The following BLTP3B variants were observed in gnomAD, a reference collection of about 807,000 sequenced individuals.
BLTP3B encodes bridge-like lipid transfer protein family member 3B.
chr12:100,092,862 C>T, the BLTP3B span: 6 of 975,166 alleles, frequency 6.2e-6, no homozygotes, highest in Non-Finnish European at 6.1e-6. Flanking sequence ...TCCTGTACTT[C>T]TTTCCTTATA....
the BLTP3B span, among the ~76,000 whole-genome samples, chr12:100,121,626 T>C: frequency 2.6e-5 from 4 of 151,520 alleles, no homozygotes; most frequent in African/African-American, 9.7e-5. Flanking sequence ...AGGTCGGGAG[T>C]TTGAGACCAG....
chr12:100,057,264 G>C, the BLTP3B span, among the ~76,000 whole-genome samples: 1 of 152,056 alleles, frequency 6.6e-6, no homozygotes, highest in East Asian at 1.9e-4. Context: ...AGGAGTATCT[G>C]GTTAAAAGAA....
At chr12:100,114,045 A>T in the BLTP3B span, among the ~76,000 whole-genome samples, 1 of 152,220 alleles carries the variant, frequency 6.6e-6, no homozygotes, top group African/African-American at 2.4e-5. Context: ...GATTAATTTT[A>T]GTCACCTAGA....
At chr12:100,138,378 A>C in the BLTP3B span, among the ~76,000 whole-genome samples, 1 of 152,250 alleles carries the variant, frequency 6.6e-6, no homozygotes, top group Non-Finnish European at 1.5e-5. Context: ...CCCTAGCTCA[A>C]TCATACGACA....
chr12:100,123,206 G>A, the BLTP3B span, among the ~76,000 whole-genome samples: 6 of 152,138 alleles, frequency 3.9e-5, no homozygotes, highest in Admixed American at 6.5e-5. Flanking sequence ...ATTAACTGAG[G>A]ACCTACTATG....
the BLTP3B span, among the ~76,000 whole-genome samples, chr12:100,095,253 A>G: frequency 6.6e-6 from 1 of 152,164 alleles, no homozygotes; most frequent in Non-Finnish European, 1.5e-5. Context: ...GACAACTCCA[A>G]CAGAAGTTTT....
chr12:100,103,618 G>A, the BLTP3B span, among the ~76,000 whole-genome samples: 2 of 152,032 alleles, frequency 1.3e-5, no homozygotes, highest in African/African-American at 4.8e-5. Context: ...TGGATCAAAT[G>A]TTACTGAAAG....
chr12:100,097,063 T>C, the BLTP3B span, among the ~76,000 whole-genome samples: 1 of 152,122 alleles, frequency 6.6e-6, no homozygotes, highest in South Asian at 2.1e-4. Context: ...CTGGGCAATA[T>C]AGTGAGATCT....
At chr12:100,098,302 TTTAC>T in the BLTP3B span, 2 of 1,518,838 alleles carry the variant, frequency 1.3e-6, no homozygotes, top group African/African-American at 1.4e-5. Flanking sequence ...ATCGTCCTCT[TTTAC>T]TTGTCACTAA....
the BLTP3B span, among the ~76,000 whole-genome samples, chr12:100,124,653 G>A: frequency 6.6e-6 from 1 of 151,874 alleles, no homozygotes; most frequent in Admixed American, 6.6e-5. Flanking sequence ...GGCTAACACA[G>A]GAGAATCACT....
the BLTP3B span, among the ~76,000 whole-genome samples, chr12:100,124,277 C>T: frequency 6.6e-6 from 1 of 151,724 alleles, no homozygotes; most frequent in African/African-American, 2.4e-5. Context: ...GAGACCTTGT[C>T]TCTCAAATAA....
the BLTP3B span, among the ~76,000 whole-genome samples, chr12:100,130,996 AGAGAGAGAGAGAGAGAG>A: frequency 8.4e-5 from 9 of 106,828 alleles, no homozygotes; most frequent in African/African-American, 1.3e-4. Flanking sequence ...AGAGAGAGAG[AGAGAGAGAGAGAGAGAG>A]AGAGAGAGAG....
the BLTP3B span, among the ~76,000 whole-genome samples, chr12:100,136,513 A>C: frequency 1.3e-5 from 2 of 151,580 alleles, no homozygotes; most frequent in Non-Finnish European, 2.9e-5. Flanking sequence ...ACTATGTGGC[A>C]TATATATATA....
chr12:100,039,808 T>C, the BLTP3B span: 1 of 1,590,070 alleles, frequency 6.3e-7, no homozygotes, highest in Non-Finnish European at 8.6e-7. Flanking sequence ...ACAAATAACA[T>C]GCTCAGATAA....
At chr12:100,053,089 G>A in the BLTP3B span, among the ~76,000 whole-genome samples, 3 of 151,616 alleles carry the variant, frequency 2.0e-5, no homozygotes, top group Non-Finnish European at 4.4e-5. Context: ...CACTGCGCTC[G>A]GCCAAATTTG....
chr12:100,130,987 GAGA>G, the BLTP3B span, among the ~76,000 whole-genome samples: 17 of 76,336 alleles, frequency 2.2e-4, no homozygotes, highest in South Asian at 2.5e-3. Context: ...GGGAGGGAGA[GAGA>G]GAGAGAGAGA....
At chr12:100,069,511 G>A in the BLTP3B span, among the ~76,000 whole-genome samples, 1 of 151,140 alleles carries the variant, frequency 6.6e-6, no homozygotes, top group Non-Finnish European at 1.5e-5. Flanking sequence ...TATATATGAT[G>A]GAATACTACT....
chr12:100,103,919 G>C, the BLTP3B span: 1 of 1,601,280 alleles, frequency 6.2e-7, no homozygotes, highest in Non-Finnish European at 8.5e-7. Context: ...TCACCAAACA[G>C]ATGGGATGTG....
the BLTP3B span, among the ~76,000 whole-genome samples, chr12:100,043,792 G>A: frequency 1.3e-5 from 2 of 152,128 alleles, no homozygotes; most frequent in Admixed American, 6.5e-5. Flanking sequence ...CTGGGCACAG[G>A]CACAGGGGAG....
Sources: gnomAD v4.1 joint callset for allele counts (sites outside exome capture counted in the v4.1 genomes callset) on GRCh38, gnomAD v4.1.1 for gene constraint, MANE v1.5 for transcripts, NCBI Gene and HGNC (gene_info 2026-07-23, HGNC 2026-07-21) for gene names.